The following FAT4 variants were observed in gnomAD, a reference collection of about 807,000 sequenced individuals.
The protein encoded by FAT4 is FAT atypical cadherin 4.
Under a neutral mutation model 303.9 loss-of-function variants are expected in FAT4, and 84 were observed. The ratio of observed to expected loss-of-function variants is 0.28; its 90% CI spans 0.23 to 0.33. FAT4 has a LOEUF of 0.33. Ranked by LOEUF, FAT4 falls within the 10% of genes least tolerant of loss-of-function variation. The probability of loss-of-function intolerance (pLI) is 1.00; values close to 1 mark genes in which losing one functional copy is unlikely to be tolerated. For missense variants in FAT4, 6,005 were observed against 6,146.8 expected (o/e 0.98, Z 0.77); for synonymous variants, 2,307 against 2,298.8 (o/e 1.00, Z -0.10).
At position 125,398,815 on chromosome 4, in the gene FAT4, A is replaced by G. The variant is rs1291816252; in HGVS notation, c.5207A>G (p.Asn1736Ser). The G allele has an allele frequency of 1.2e-6, 2 of 1,613,256 alleles. No homozygotes were observed. Among genetic ancestry groups the G allele is most frequent in the East Asian group, 2.2e-5 (1 of 44,844 alleles). ...ATAACACTTCAGGATATCAATGACA[A>G]TCCACCAGTATTTCCAACGGACATG... ...VEITLQDIND[N>S]PPVFPTDMLD... is the part of the protein sequence containing the mutation. The change falls in exon 3 of 18, where the codon AAT (asparagine) becomes AGT (serine). Residue 1736 changes from asparagine (N) to serine (S), a missense_variant. Asn to Ser is a conservative substitution (Grantham distance 46). Coordinates refer to ENST00000394329, the MANE Select transcript of FAT4 (RefSeq NM_001291303.3).
rs1017830368 is a variant in FAT4 at position 125,452,383 on chromosome 4, C to T, written c.11373C>T (p.Ile3791=). ...CCTTCTTTGAAAGCATCAAAGAGATCCTTCTCCGGCAGAGTGGAGTAAAGG... is the reference window on the plus strand; with the variant it reads ...CCTTCTTTGAAAGCATCAAAGAGATTCTTCTCCGGCAGAGTGGAGTAAAGG... ...VATFFESIKE[I]LLRQSGVKVE... The change falls in exon 10 of 18, where the codon ATC becomes ATT. Residue 3791 remains isoleucine, a synonymous_variant. Coordinates refer to ENST00000394329, the MANE Select transcript of FAT4 (RefSeq NM_001291303.3). The T allele has an allele frequency of 6.2e-7, 1 of 1,614,166 alleles. No individual in the cohort carries two copies. The highest frequency in any genetic ancestry group is 2.2e-5 in the East Asian group (1 of 44,874).
At chr4:125,331,080 C>T (rs1731362005) in intron 2 of FAT4, among the ~76,000 whole-genome samples, 1 of 152,092 alleles carries the variant, frequency 6.6e-6, no homozygotes, top group African/African-American at 2.4e-5. Flanking sequence ...CTCCAGTTTT[C>T]GTTTTTCTCT....
intron 10 of FAT4, among the ~76,000 whole-genome samples, chr4:125,453,221 T>C (rs1726159415): frequency 6.6e-6 from 1 of 152,180 alleles, no homozygotes; most frequent in South Asian, 2.1e-4. Context: ...ATTCTAGATA[T>C]TAAAGGATAA....
chr4:125,449,394 G>A lies in FAT4; in HGVS notation c.8384G>A (p.Arg2795His), dbSNP rs150894990. The A allele has an allele frequency of 1.2e-5, 19 of 1,613,506 alleles. No individual in the cohort carries two copies. The highest frequency in any genetic ancestry group is 4.0e-5 in the African/African-American group (3 of 74,872). The change falls in exon 10 of 18, where the codon CGT becomes CAT. Residue 2795 changes from arginine to histidine, a missense_variant. By Grantham distance (29) the Arg-to-His change is conservative. Coordinates refer to ENST00000394329, the MANE Select transcript of FAT4 (RefSeq NM_001291303.3). ...TCCCCCTTAGGATACACAGTTACCC[G>A]TGTCACAACTTCTGATGAAGACATT... The part of the protein sequence containing the change: ...ENSPLGYTVT[R>H]VTTSDEDIGI...
chr4:125,436,109 G>A (rs1447755907), intron 8 of FAT4, among the ~76,000 whole-genome samples: 10 of 151,288 alleles, frequency 6.6e-5, no homozygotes, highest in Admixed American at 4.0e-4. Context: ...GTTAATGGGT[G>A]CAGCACACCA....
intron 2 of FAT4, among the ~76,000 whole-genome samples, chr4:125,384,631 C>G (rs564079038): frequency 6.6e-6 from 1 of 151,890 alleles, no homozygotes; most frequent in Non-Finnish European, 1.5e-5. Context: ...TAATGTCCTT[C>G]AAAGCAAAAA....
At chr4:125,473,378 A>C (rs1204592150) in intron 12 of FAT4, among the ~76,000 whole-genome samples, 4 of 152,082 alleles carry the variant, frequency 2.6e-5, no homozygotes, top group Non-Finnish European at 5.9e-5. Context: ...TCTTGGATAA[A>C]ATATATTTTC....
intron 12 of FAT4, among the ~76,000 whole-genome samples, chr4:125,471,372 A>G (rs2126078686): frequency 6.6e-6 from 1 of 152,354 alleles, no homozygotes; most frequent in East Asian, 1.9e-4. Context: ...GAAACCTTCA[A>G]TTGGTAAAAA....
At chr4:125,474,869 A>G (rs900808817) in intron 12 of FAT4, among the ~76,000 whole-genome samples, 4 of 152,078 alleles carry the variant, frequency 2.6e-5, no homozygotes, top group African/African-American at 9.7e-5. Flanking sequence ...GATATCCAAA[A>G]CTTTGCATTT....
At chr4:125,397,209 A>T (rs1325080177) in intron 2 of FAT4, among the ~76,000 whole-genome samples, 1 of 152,086 alleles carries the variant, frequency 6.6e-6, no homozygotes, top group African/African-American at 2.4e-5. Context: ...CATTTTCTTT[A>T]CCTATATCAT....
At chr4:125,466,201 T>A (rs1327718241) in intron 11 of FAT4, among the ~76,000 whole-genome samples, 1 of 152,210 alleles carries the variant, frequency 6.6e-6, no homozygotes, top group Non-Finnish European at 1.5e-5. Context: ...TAATTATAAC[T>A]TCTTAGAATT....
intron 10 of FAT4, among the ~76,000 whole-genome samples, chr4:125,455,660 T>C (rs1726253167): frequency 6.6e-6 from 1 of 152,246 alleles, no homozygotes; most frequent in Non-Finnish European, 1.5e-5. Flanking sequence ...AACTTGGCTC[T>C]GGTGCCTCTG....
chr4:125,360,079 C>T (rs1466292096), intron 2 of FAT4, among the ~76,000 whole-genome samples: 1 of 152,130 alleles, frequency 6.6e-6, no homozygotes, highest in African/African-American at 2.4e-5. Context: ...CCTTGTTTCT[C>T]TAGTCTAATC....
At chr4:125,344,004 G>A (rs1278925006) in intron 2 of FAT4, among the ~76,000 whole-genome samples, 2 of 152,112 alleles carry the variant, frequency 1.3e-5, no homozygotes, top group Non-Finnish European at 2.9e-5. Flanking sequence ...AATTGAGCAG[G>A]AGGAGTGTAT....
chr4:125,319,432 G>A lies in FAT4; in HGVS notation c.3021G>A (p.Glu1007=). Residue 1007 remains glutamate, a synonymous_variant, in exon 2 of 18, where the codon GAG becomes GAA. Coordinates refer to ENST00000394329, the MANE Select transcript of FAT4 (RefSeq NM_001291303.3). ...DQLSYEVTLS[E]SEPVNSRFFK... Reference sequence around the variant, plus strand: ...TCTCTTATGAAGTCACCCTTTCTGAGTCAGAACCTGTGAATTCTCGATTCT... The same window carrying A: ...TCTCTTATGAAGTCACCCTTTCTGAATCAGAACCTGTGAATTCTCGATTCT... The A allele has an allele frequency of 6.2e-7, 1 of 1,613,810 alleles. No individual in the cohort carries two copies. The highest frequency in any genetic ancestry group is 8.5e-7 in the Non-Finnish European group (1 of 1,179,906).
At chr4:125,464,552 G>A (rs1726593871) in intron 11 of FAT4, among the ~76,000 whole-genome samples, 1 of 151,704 alleles carries the variant, frequency 6.6e-6, no homozygotes, top group Middle Eastern at 3.4e-3. Context: ...TAAGTTCTAG[G>A]GTAATGTGCA....
chr4:125,420,007 C>A (rs1484065882), intron 7 of FAT4, among the ~76,000 whole-genome samples: 1 of 152,234 alleles, frequency 6.6e-6, no homozygotes, highest in African/African-American at 2.4e-5. Flanking sequence ...TATTCTACAG[C>A]GAGCTGTTTG....
At chr4:125,343,117 T>C (rs1347373038) in intron 2 of FAT4, among the ~76,000 whole-genome samples, 1 of 152,148 alleles carries the variant, frequency 6.6e-6, no homozygotes, top group Admixed American at 6.6e-5. Context: ...TATTCATATA[T>C]TTTGGTTTCC....
intron 8 of FAT4, among the ~76,000 whole-genome samples, chr4:125,434,824 C>T (rs993026960): frequency 2.0e-5 from 3 of 152,118 alleles, no homozygotes; most frequent in Admixed American, 2.0e-4. Context: ...ATCATCTTGG[C>T]CCCCTCTGTC....
Sources: allele counts gnomAD v4.1 joint callset (sites outside exome capture counted in the v4.1 genomes callset), GRCh38; gene constraint gnomAD v4.1.1; transcripts MANE v1.5; gene names NCBI Gene and HGNC (gene_info 2026-07-23, HGNC 2026-07-21).